RNFT2: variants seen among roughly 807,000 people sequenced by gnomAD.
RNFT2 encodes the protein E3 ubiquitin-protein ligase RNFT2.
RNFT2 carries 36 observed loss-of-function variants against 53.0 expected under a neutral mutation model. The ratio of observed to expected loss-of-function variants is 0.68; its 90% CI spans 0.52 to 0.90. The LOEUF is 0.90. RNFT2 is among the 40% of genes least tolerant of loss of function. The probability of loss-of-function intolerance (pLI) is 0.00; values close to 1 mark genes in which losing one functional copy is unlikely to be tolerated. For synonymous variants in RNFT2, 260 were observed against 253.2 expected (o/e 1.03, Z -0.26); for missense variants, 514 against 585.6 (o/e 0.88, Z 1.26).
At chr12:116,738,933 A>C (rs994059772) in intron 1 of RNFT2, among the ~76,000 whole-genome samples, 1 of 152,144 alleles carries the variant, frequency 6.6e-6, no homozygotes, top group Admixed American at 6.5e-5. Context: ...AAATTCTTGA[A>C]AAATATTTAT....
chr12:116,821,620 G>T (rs1036499075), intron 7 of RNFT2, among the ~76,000 whole-genome samples: 2 of 152,190 alleles, frequency 1.3e-5, no homozygotes, highest in Admixed American at 6.5e-5. Flanking sequence ...GGGAAGAAAA[G>T]CAAGCAAGGA....
chr12:116,759,846 A>C (rs1224748938), intron 5 of RNFT2, among the ~76,000 whole-genome samples: 1 of 152,136 alleles, frequency 6.6e-6, no homozygotes, highest in Non-Finnish European at 1.5e-5. Context: ...GCCTCCTGCC[A>C]GGAGGTGGCG....
chr12:116,814,701 T>C (rs1200571249), intron 7 of RNFT2, among the ~76,000 whole-genome samples: 1 of 151,372 alleles, frequency 6.6e-6, no homozygotes, highest in Admixed American at 6.6e-5. Context: ...TCCGACAGAG[T>C]CTCACTCTGT....
chr12:116,810,798 G>C (rs1400349222), intron 7 of RNFT2, among the ~76,000 whole-genome samples: 1 of 152,168 alleles, frequency 6.6e-6, no homozygotes, highest in Non-Finnish European at 1.5e-5. Context: ...TGCTGTGTTG[G>C]TTTCCTGCTT....
At chr12:116,804,798 C>T (rs1438440385) in intron 7 of RNFT2, among the ~76,000 whole-genome samples, 1 of 152,124 alleles carries the variant, frequency 6.6e-6, no homozygotes, top group Non-Finnish European at 1.5e-5. Context: ...AAAACCTTGT[C>T]TCTACAAAAC....
intron 7 of RNFT2, among the ~76,000 whole-genome samples, chr12:116,796,893 G>A (rs1176042254): frequency 1.3e-5 from 2 of 152,220 alleles, no homozygotes; most frequent in African/African-American, 2.4e-5. Flanking sequence ...CACACACAGG[G>A]GCTGGAAGAA....
intron 5 of RNFT2, chr12:116,755,433 G>A (rs1032325734): frequency 6.7e-6 from 8 of 1,192,488 alleles, no homozygotes; most frequent in Admixed American, 1.7e-5. Flanking sequence ...AGCAGCTCAG[G>A]CTCCTTCCCA....
intron 7 of RNFT2, among the ~76,000 whole-genome samples, chr12:116,832,563 G>A (rs1213053055): frequency 6.6e-6 from 1 of 152,032 alleles, no homozygotes; most frequent in Non-Finnish European, 1.5e-5. Flanking sequence ...CATTTCTCTC[G>A]GGTAAATAGC....
intron 3 of RNFT2, among the ~76,000 whole-genome samples, chr12:116,743,039 C>T (rs146197790): frequency 0.019 from 2,525 of 135,376 alleles, 39 homozygotes; most frequent in Middle Eastern, 0.032. Flanking sequence ...TATGATTGCA[C>T]CACTGCATTC....
At chr12:116,841,245 A>G (rs1310737275) in intron 10 of RNFT2, among the ~76,000 whole-genome samples, 2 of 152,156 alleles carry the variant, frequency 1.3e-5, no homozygotes, top group Non-Finnish European at 2.9e-5. Flanking sequence ...TGAGGCCAGA[A>G]GTTCAAGACC....
At chr12:116,797,177 A>C (rs1376172261) in intron 7 of RNFT2, among the ~76,000 whole-genome samples, 1 of 152,168 alleles carries the variant, frequency 6.6e-6, no homozygotes, top group Non-Finnish European at 1.5e-5. Flanking sequence ...GTGCTCCCCG[A>C]ATGTTATGGA....
chr12:116,756,725 T>C (rs1872524695), intron 5 of RNFT2, among the ~76,000 whole-genome samples: 1 of 152,182 alleles, frequency 6.6e-6, no homozygotes, highest in Non-Finnish European at 1.5e-5. Flanking sequence ...TTGGATTCGG[T>C]TAGCAAGTAT....
chr12:116,759,615 A>T (rs1237264768), intron 5 of RNFT2, among the ~76,000 whole-genome samples: 1 of 152,050 alleles, frequency 6.6e-6, no homozygotes. Flanking sequence ...GCCAAACTGC[A>T]GTGATTGTTG....
chr12:116,788,733 G>A (rs147879685), intron 7 of RNFT2, among the ~76,000 whole-genome samples: 1 of 152,302 alleles, frequency 6.6e-6, no homozygotes, highest in Non-Finnish European at 1.5e-5. Flanking sequence ...ATACATGTGT[G>A]TTTGAGTGGG....
At chr12:116,782,759 G>T (rs1454940872) in intron 7 of RNFT2, among the ~76,000 whole-genome samples, 1 of 151,946 alleles carries the variant, frequency 6.6e-6, no homozygotes, top group Admixed American at 6.6e-5. Flanking sequence ...CTCACATGCC[G>T]AAAATAAGTC....
At chr12:116,738,912 G>A (rs1455691478) in intron 1 of RNFT2, among the ~76,000 whole-genome samples, 1 of 152,196 alleles carries the variant, frequency 6.6e-6, no homozygotes, top group Non-Finnish European at 1.5e-5. Flanking sequence ...GGAGGATTAA[G>A]TTGAGATTGC....
chr12:116,809,598 C>T (rs1015196154), intron 7 of RNFT2, among the ~76,000 whole-genome samples: 4 of 152,148 alleles, frequency 2.6e-5, no homozygotes, highest in African/African-American at 7.2e-5. Flanking sequence ...TCAGACATCC[C>T]GGAGGTCTCT....
chr12:116,814,679 T>A (rs1293387435), intron 7 of RNFT2, among the ~76,000 whole-genome samples: 2 of 144,702 alleles, frequency 1.4e-5, no homozygotes, highest in Non-Finnish European at 3.1e-5. Context: ...CCGTATGATA[T>A]TTTTTTTTTT....
chr12:116,807,422 A>G (rs535783311), intron 7 of RNFT2, among the ~76,000 whole-genome samples: 1 of 152,318 alleles, frequency 6.6e-6, no homozygotes, highest in South Asian at 2.1e-4. Context: ...CTTCATTAAC[A>G]TGAACTCATT....
Sources: gnomAD v4.1 joint callset for allele counts (sites outside exome capture counted in the v4.1 genomes callset) on GRCh38, gnomAD v4.1.1 for gene constraint, MANE v1.5 for transcripts, NCBI Gene and HGNC (gene_info 2026-07-23, HGNC 2026-07-21) for gene names.